The following BNC2 variants were observed in gnomAD, a reference collection of about 807,000 sequenced individuals.
The protein encoded by BNC2 is zinc finger protein basonuclin-2.
A neutral mutation model predicts 76.3 loss-of-function variants in BNC2; 20 were observed. The ratio of observed to expected loss-of-function variants is 0.26; its 90% CI spans 0.18 to 0.38. The LOEUF is 0.38. Among genes scored for constraint, BNC2 ranks in the 10% least tolerant of loss-of-function variants. The pLI is 1.00. For synonymous variants in BNC2, 582 were observed against 514.8 expected (o/e 1.13, Z -1.77); for missense variants, 1,382 against 1,399.8 (o/e 0.99, Z 0.20).
At chr9:16,622,016 T>C (rs985304469) in intron 3 of BNC2, among the ~76,000 whole-genome samples, 1 of 152,164 alleles carries the variant, frequency 6.6e-6, no homozygotes, top group African/African-American at 2.4e-5. Context: ...TATTGCACAG[T>C]ACTGGTCTGG....
chr9:16,430,488 A>G (rs1294523329), intron 6 of BNC2, among the ~76,000 whole-genome samples: 4 of 152,214 alleles, frequency 2.6e-5, no homozygotes, highest in Non-Finnish European at 4.4e-5. Flanking sequence ...CCTCCCTAGA[A>G]AAAGTTCTGT....
chr9:16,746,838 T>C (rs1269082126), intron 1 of BNC2, among the ~76,000 whole-genome samples: 1 of 151,602 alleles, frequency 6.6e-6, no homozygotes, highest in Non-Finnish European at 1.5e-5. Flanking sequence ...GGCGGGTGCC[T>C]GTAATCCCAG....
chr9:16,717,344 G>T (rs926737285), intron 3 of BNC2, among the ~76,000 whole-genome samples: 2 of 151,424 alleles, frequency 1.3e-5, no homozygotes, highest in Non-Finnish European at 2.9e-5. Flanking sequence ...TATAGCTTTA[G>T]GGAAAAAAAA....
chr9:16,603,334 T>G (rs1383246894), intron 3 of BNC2, among the ~76,000 whole-genome samples: 1 of 152,206 alleles, frequency 6.6e-6, no homozygotes, highest in African/African-American at 2.4e-5. Flanking sequence ...ACAAGAAAAC[T>G]TGTAACCAGT....
chr9:16,532,234 T>A (rs1309552343), intron 5 of BNC2, among the ~76,000 whole-genome samples: 9 of 150,902 alleles, frequency 6.0e-5, no homozygotes, highest in Admixed American at 1.3e-4. Context: ...AAAAAAAAAA[T>A]AAGAATAATT....
At chr9:16,509,393 T>C (rs1272584548) in intron 5 of BNC2, among the ~76,000 whole-genome samples, 2 of 152,198 alleles carry the variant, frequency 1.3e-5, no homozygotes, top group Non-Finnish European at 2.9e-5. Context: ...AGGAAACACA[T>C]AAATGTCTCT....
chr9:16,869,413 T>G (rs1308840202), intron 1 of BNC2, among the ~76,000 whole-genome samples: 2 of 150,364 alleles, frequency 1.3e-5, no homozygotes, highest in Admixed American at 6.6e-5. Flanking sequence ...GCTCTTGCTT[T>G]TGTGTGTGTG....
chr9:16,666,488 C>T (rs527682650), intron 3 of BNC2, among the ~76,000 whole-genome samples: 1 of 152,318 alleles, frequency 6.6e-6, no homozygotes, highest in Non-Finnish European at 1.5e-5. Flanking sequence ...AACACACGCA[C>T]AGAAAGGTTA....
chr9:16,451,063 CTTTAT>C (rs1821329957), intron 5 of BNC2, among the ~76,000 whole-genome samples: 1 of 33,274 alleles, frequency 3.0e-5, no homozygotes, highest in South Asian at 1.7e-3. Context: ...AAATCATTAA[CTTTAT>C]CTTTTAAGGC....
rs201386699 is a variant in BNC2 at position 16,677,571 on chromosome 9, TCAAA to T, written c.330+50222_330+50225del. Among the ~76,000 whole-genome samples, 436 of 59,266 alleles carry T rather than the reference TCAAA, an allele frequency of 7.4e-3. 3 individuals are homozygous for T. Among genetic ancestry groups the T allele is most frequent in the African/African-American group, 0.064 (414 of 6,442 alleles). The allele number at this position is 59,266 out of a possible 152,430, so 38.9% of individuals were successfully genotyped here. A position where few individuals can be genotyped will look rare whatever the true frequency, so the allele number is the denominator to read the frequency against. On this transcript the variant is annotated intron_variant, in intron 3 of 6. Coordinates refer to ENST00000380672, the MANE Select transcript of BNC2 (RefSeq NM_017637.6). ...CCGGGGGACAAAGCTAGACTTTGTC[TCAAA>T]CAAACACACACACACACACACACAC...
chr9:16,828,962 G>A (rs1056024240), intron 1 of BNC2, among the ~76,000 whole-genome samples: 3 of 152,078 alleles, frequency 2.0e-5, no homozygotes, highest in African/African-American at 7.2e-5. Context: ...AGGCTGGGGC[G>A]CGGGGGAGAG....
At chr9:16,573,883 G>A (rs1819406521) in intron 4 of BNC2, among the ~76,000 whole-genome samples, 1 of 152,248 alleles carries the variant, frequency 6.6e-6, no homozygotes, top group African/African-American at 2.4e-5. Context: ...AACCTGGTAA[G>A]AAATGGGATG....
intron 3 of BNC2, among the ~76,000 whole-genome samples, chr9:16,689,445 C>T (rs956355280): frequency 6.6e-6 from 1 of 152,012 alleles, no homozygotes; most frequent in Non-Finnish European, 1.5e-5. Context: ...ATATTAAACA[C>T]GCAGGTAGGC....
intron 3 of BNC2, among the ~76,000 whole-genome samples, chr9:16,617,346 G>A (rs1367320110): frequency 1.3e-5 from 2 of 152,048 alleles, no homozygotes; most frequent in Non-Finnish European, 2.9e-5. Context: ...ATCATTCTAT[G>A]ACAAATTATA....
At chr9:16,800,132 G>A (rs2135742549) in intron 1 of BNC2, among the ~76,000 whole-genome samples, 2 of 152,058 alleles carry the variant, frequency 1.3e-5, no homozygotes, top group Middle Eastern at 3.4e-3. Context: ...GGCTAAGGCA[G>A]GAGAATCACT....
rs564824303 is a variant in BNC2 at position 16,779,407 on chromosome 9, T to C, written c.4-40922A>G. On this transcript the variant is annotated intron_variant, in intron 1 of 6. Transcript: ENST00000380672. ...GGTAAAACTGACAAGATCCTACTGATTGATGTGCTATTATCTTAAACCCAA... is the reference window on the plus strand; with the variant it reads ...GGTAAAACTGACAAGATCCTACTGACTGATGTGCTATTATCTTAAACCCAA... Among the ~76,000 whole-genome samples the C allele has an allele frequency of 5.9e-5, 9 of 152,216 alleles. No individual in the cohort carries two copies. In the South Asian group the frequency reaches 6.2e-4, roughly 11 times the overall value.
intron 3 of BNC2, among the ~76,000 whole-genome samples, chr9:16,619,830 G>A (rs557420266): frequency 6.6e-6 from 1 of 152,236 alleles, no homozygotes; most frequent in South Asian, 2.1e-4. Context: ...AAAATGCATG[G>A]GGGAAAGGGG....
intron 6 of BNC2, among the ~76,000 whole-genome samples, chr9:16,424,556 GATC>G (rs1042263227): frequency 7.9e-5 from 12 of 152,246 alleles, no homozygotes; most frequent in African/African-American, 2.9e-4. Context: ...TGTACAGAAT[GATC>G]ATAACAACAT....
At chr9:16,749,753 T>A (rs1397990364) in intron 1 of BNC2, among the ~76,000 whole-genome samples, 1 of 151,346 alleles carries the variant, frequency 6.6e-6, no homozygotes, top group African/African-American at 2.4e-5. Context: ...GTTCCTTGGA[T>A]AGATGAAAGA....
Sources: allele counts gnomAD v4.1 joint callset (sites outside exome capture counted in the v4.1 genomes callset), GRCh38; gene constraint gnomAD v4.1.1; transcripts MANE v1.5; gene names NCBI Gene and HGNC (gene_info 2026-07-23, HGNC 2026-07-21).